The following CLHC1 variants were observed in gnomAD, a reference collection of about 807,000 sequenced individuals.
The protein encoded by CLHC1 is clathrin heavy chain linker domain containing 1.
Under a neutral mutation model 69.5 loss-of-function variants are expected in CLHC1, and 72 were observed. That is an observed-to-expected ratio of 1.04 (90% CI 0.86 to 1.26). The LOEUF (loss-of-function observed/expected upper bound fraction) is 1.26. Among genes scored for constraint, CLHC1 ranks in the 50% most tolerant of loss-of-function variants. CLHC1 has a pLI of 0.00. For synonymous variants in CLHC1, 223 were observed against 224.3 expected (o/e 0.99, Z 0.05); for missense variants, 790 against 679.3 (o/e 1.16, Z -1.81).
intron 9 of CLHC1, among the ~76,000 whole-genome samples, chr2:55,197,135 T>C (rs1671502507): frequency 6.6e-6 from 1 of 151,908 alleles, no homozygotes; most frequent in Non-Finnish European, 1.5e-5. Flanking sequence ...GAGGAAAAAA[T>C]AGGAAGGACT....
intron 9 of CLHC1, among the ~76,000 whole-genome samples, chr2:55,204,039 C>G (rs890407332): frequency 1.3e-5 from 2 of 152,148 alleles, no homozygotes; most frequent in Non-Finnish European, 2.9e-5. Context: ...AATCCCAACA[C>G]TTTGGGAGGC....
intron 9 of CLHC1, among the ~76,000 whole-genome samples, chr2:55,203,199 T>C (rs1418394318): frequency 6.6e-6 from 1 of 152,104 alleles, no homozygotes; most frequent in African/African-American, 2.4e-5. Flanking sequence ...TATTCATGGA[T>C]TGGAAGAATC....
At chr2:55,216,871 G>A (rs1013734836) in intron 4 of CLHC1, among the ~76,000 whole-genome samples, 1 of 152,150 alleles carries the variant, frequency 6.6e-6, no homozygotes, top group Non-Finnish European at 1.5e-5. Flanking sequence ...AAGAGGGCCA[G>A]GAGTGGTGGC....
intron 2 of CLHC1, among the ~76,000 whole-genome samples, chr2:55,222,696 G>A (rs1674257914): frequency 6.6e-6 from 1 of 151,984 alleles, no homozygotes; most frequent in South Asian, 2.1e-4. Context: ...GAGGCAGGTG[G>A]ATCATCTGAG....
chr2:55,227,550 C>T (rs1249177709), intron 2 of CLHC1, among the ~76,000 whole-genome samples: 8 of 151,668 alleles, frequency 5.3e-5, no homozygotes, highest in East Asian at 1.9e-4. Flanking sequence ...TGGTGGCACA[C>T]GCCTATAATC....
intron 9 of CLHC1, among the ~76,000 whole-genome samples, chr2:55,205,270 A>G (rs1672327340): frequency 6.6e-6 from 1 of 152,124 alleles, no homozygotes; most frequent in African/African-American, 2.4e-5. Flanking sequence ...CTGGGTATCT[A>G]CCCAAAGGAA....
chr2:55,182,356 TGTA>T (rs1449048498), intron 9 of CLHC1, among the ~76,000 whole-genome samples: 1 of 152,194 alleles, frequency 6.6e-6, no homozygotes, highest in Non-Finnish European at 1.5e-5. Flanking sequence ...GAAATTTACA[TGTA>T]GATTCAGCCA....
At chr2:55,192,395 C>T (rs1310661945) in intron 9 of CLHC1, among the ~76,000 whole-genome samples, 1 of 152,154 alleles carries the variant, frequency 6.6e-6, no homozygotes, top group Non-Finnish European at 1.5e-5. Flanking sequence ...GCTGGGATTA[C>T]AGGTGCACTG....
intron 9 of CLHC1, among the ~76,000 whole-genome samples, chr2:55,202,138 C>T (rs1363194807): frequency 1.3e-5 from 2 of 151,214 alleles, no homozygotes; most frequent in African/African-American, 4.9e-5. Flanking sequence ...TGGTATTCAA[C>T]ACAGTACTGG....
At chr2:55,198,188 A>G (rs1671602716) in intron 9 of CLHC1, among the ~76,000 whole-genome samples, 1 of 152,242 alleles carries the variant, frequency 6.6e-6, no homozygotes, top group South Asian at 2.1e-4. Context: ...AGAATAAGGC[A>G]CAACTTCAAG....
Position 55,177,630 on chromosome 2 carries a change from T to G in CLHC1, c.1536A>C (p.Leu512=). 6.2e-7 allele frequency: 1 copy of G among 1,606,382 alleles called. No individual in the cohort carries two copies. Among genetic ancestry groups the G allele is most frequent in the Non-Finnish European group, 8.5e-7 (1 of 1,176,024 alleles). The change falls in exon 12 of 13, where the codon CTA becomes CTC. Residue 512 remains leucine, a synonymous_variant. Coordinates refer to ENST00000401408, the MANE Select transcript of CLHC1 (RefSeq NM_152385.4). Reference sequence around the variant, plus strand: ...TCCCACCTTTATTGATTTCTTGAAGTAGCTTAATGCCAACTTTTTTCATGT... The same window carrying G: ...TCCCACCTTTATTGATTTCTTGAAGGAGCTTAATGCCAACTTTTTTCATGT... The part of the protein sequence containing the change: ...SADMKKVGIK[L]LQEINKGGID...
At chr2:55,217,782 T>A in intron 4 of CLHC1, 29 bp downstream of exon 4, 2 of 1,406,366 alleles carry the variant, frequency 1.4e-6, no homozygotes, top group South Asian at 1.5e-5. Context: ...ACAACTACCA[T>A]CTTTTGGGCT....
intron 3 of CLHC1, among the ~76,000 whole-genome samples, chr2:55,221,414 C>T (rs1381312288): frequency 6.6e-6 from 1 of 152,192 alleles, no homozygotes; most frequent in East Asian, 1.9e-4. Flanking sequence ...CTAAGCTGAT[C>T]TCCCTATTTC....
intron 9 of CLHC1, among the ~76,000 whole-genome samples, chr2:55,188,224 G>A (rs568700260): frequency 6.6e-6 from 1 of 152,236 alleles, no homozygotes; most frequent in African/African-American, 2.4e-5. Flanking sequence ...GCTGAAGTGG[G>A]AAGATCACTT....
At position 55,175,902 on chromosome 2, in the gene CLHC1, C is replaced by G; in HGVS notation, c.1649G>C (p.Gly550Ala). 6.2e-7 allele frequency: 1 copy of G among 1,613,944 alleles called. No individual in the cohort carries two copies. Among genetic ancestry groups the G allele is most frequent in the Non-Finnish European group, 8.5e-7 (1 of 1,179,866 alleles). The change falls in exon 13 of 13, where the codon GGC becomes GCC. Residue 550 changes from glycine to alanine, a missense_variant. Coordinates refer to ENST00000401408, the MANE Select transcript of CLHC1 (RefSeq NM_152385.4). ...QEVANICSQN[G>A]FDKLSNDITS... ...GATGTCATTAGATAATTTGTCAAAGCCATTCTGTGAACATATATTTGCCAC... is the reference window on the plus strand; with the variant it reads ...GATGTCATTAGATAATTTGTCAAAGGCATTCTGTGAACATATATTTGCCAC...
At chr2:55,219,125 T>C (rs957658307) in intron 3 of CLHC1, among the ~76,000 whole-genome samples, 18 of 152,174 alleles carry the variant, frequency 1.2e-4, no homozygotes, top group African/African-American at 4.1e-4. Flanking sequence ...ATAGAGGTCA[T>C]CAATCTGCGG....
chr2:55,180,707 G>A lies in CLHC1; in HGVS notation c.1187C>T (p.Thr396Ile). 4 of 1,613,624 alleles carry A rather than the reference G, an allele frequency of 2.5e-6. No homozygotes were observed. The highest frequency in any genetic ancestry group is 3.4e-6 in the Non-Finnish European group (4 of 1,179,654). ...VTNWVTQERL[T>I]FSEEAGDVIC... The stretch of plus-strand genomic sequence containing the variant: ...CACATCCCCAGCCTCCTCAGAAAAT[G>A]TCAGTCTAGAACAAGCAGATCAATA... The change falls in exon 11 of 13, where the codon ACA becomes ATA. Residue 396 changes from threonine (T) to isoleucine (I), a missense_variant. Coordinates refer to ENST00000401408, the MANE Select transcript of CLHC1 (RefSeq NM_152385.4).
chr2:55,216,805 G>A (rs1673558203), intron 4 of CLHC1, among the ~76,000 whole-genome samples: 2 of 152,054 alleles, frequency 1.3e-5, no homozygotes, highest in South Asian at 2.1e-4. Flanking sequence ...TTACAGGTGT[G>A]AGCCACCCTG....
At chr2:55,176,053 C>CA in intron 12 of CLHC1, 67 bp from the exon 13 acceptor site, 1 of 1,312,616 alleles carries the variant, frequency 7.6e-7, no homozygotes, top group African/African-American at 1.5e-5. Context: ...AGTGATTCTT[C>CA]AAAAATAGAA....
Sources: gnomAD v4.1 joint callset for allele counts (sites outside exome capture counted in the v4.1 genomes callset) on GRCh38, gnomAD v4.1.1 for gene constraint, MANE v1.5 for transcripts, NCBI Gene and HGNC (gene_info 2026-07-23, HGNC 2026-07-21) for gene names.